The following PCCB variants were observed in gnomAD, a reference collection of about 807,000 sequenced individuals.
The protein encoded by PCCB is propionyl-CoA carboxylase beta chain, mitochondrial.
Under a neutral mutation model 60.7 loss-of-function variants are expected in PCCB, and 43 were observed. The observed-to-expected ratio is 0.71, with a 90% CI of 0.55 to 0.91. The LOEUF is 0.91. Ranked by LOEUF, PCCB falls within the 40% of genes least tolerant of loss-of-function variation. The probability of loss-of-function intolerance (pLI) is 0.00; values close to 1 mark genes in which losing one functional copy is unlikely to be tolerated. For synonymous variants in PCCB, 276 were observed against 255.9 expected, an observed-to-expected ratio of 1.08 and a Z score of -0.75; for missense variants, 766 against 702.8, an observed-to-expected ratio of 1.09 and a Z score of -1.02.
Position 136,282,945 on chromosome 3 carries a change from G to A in PCCB, c.544-892G>A, listed in dbSNP as rs116694183. 7.1e-3 allele frequency among the ~76,000 whole-genome samples: 1,081 copies of A among 152,234 alleles called. 16 individuals are homozygous for A. Among genetic ancestry groups the A allele is most frequent in the African/African-American group, 0.025 (1,027 of 41,528 alleles). On this transcript the variant is annotated intron_variant, in intron 5 of 14. Transcript: ENST00000251654. ...TCATTTTTAGAACCCCAAAATACTC[G>A]TTTTTGACAATGCTGTCCAGTTGTT...
chr3:136,285,690 C>CT (rs1176129700), intron 6 of PCCB, among the ~76,000 whole-genome samples: 1 of 152,116 alleles, frequency 6.6e-6, no homozygotes, highest in African/African-American at 2.4e-5. Flanking sequence ...CTGACCATAC[C>CT]TTCCTGGTTT....
rs562688020 is a variant in PCCB, at chr3:136,305,974, G to A, written c.966+4863G>A. On this transcript the variant is annotated intron_variant, in intron 9 of 14. Coordinates refer to ENST00000251654, the MANE Select transcript of PCCB (RefSeq NM_000532.5). ...ATGTACCTGCAAGACATACAAAATC[G>A]AATACACTGAAGGACACTACATCTT... is the stretch of plus-strand genomic sequence containing the variant. Among the ~76,000 whole-genome samples, 104 of 121,000 alleles carry A rather than the reference G, an allele frequency of 8.6e-4. 5 individuals carry two copies. Among genetic ancestry groups the A allele is most frequent in the African/African-American group, 2.6e-3 (103 of 39,940 alleles). The allele number at this position is 121,000 out of a possible 152,430, so 79.4% of individuals were successfully genotyped here.
chr3:136,313,897 G>A (rs1365510611), intron 9 of PCCB, among the ~76,000 whole-genome samples: 2 of 152,120 alleles, frequency 1.3e-5, no homozygotes, highest in African/African-American at 4.8e-5. Flanking sequence ...TTCTGCTATC[G>A]GAGAAGGGAG....
chr3:136,274,777 T>A (rs1942297290), intron 5 of PCCB, among the ~76,000 whole-genome samples: 1 of 152,114 alleles, frequency 6.6e-6, no homozygotes, highest in Admixed American at 6.5e-5. Flanking sequence ...GGTTTGGTTG[T>A]TTTACATAAT....
At chr3:136,322,556 G>T (rs1410004532) in intron 10 of PCCB, among the ~76,000 whole-genome samples, 1 of 152,176 alleles carries the variant, frequency 6.6e-6, no homozygotes, top group Non-Finnish European at 1.5e-5. Context: ...TAAATGTATG[G>T]TAGAATTCAC....
Position 136,298,033 on chromosome 3 carries a change from G to T in PCCB, c.845G>T (p.Ser282Ile). ...RDFFNYLPLS[S>I]QDPAPVRECH... ...TTCTTCAACTACCTGCCCCTGAGCAGTCAGGACCCGGCTCCCGTCCGTGAG... is the reference window on the plus strand; with the variant it reads ...TTCTTCAACTACCTGCCCCTGAGCATTCAGGACCCGGCTCCCGTCCGTGAG... Residue 282 changes from serine (S) to isoleucine (I), a missense_variant, in exon 8 of 15, where the codon AGT (serine) becomes ATT (isoleucine). Transcript: ENST00000251654. 1 of 1,614,180 alleles carries T rather than the reference G, an allele frequency of 6.2e-7. No homozygotes were observed. The highest frequency in any genetic ancestry group is 8.5e-7 in the Non-Finnish European group (1 of 1,180,018).
At chr3:136,263,993 C>G (rs1941899112) in intron 5 of PCCB, among the ~76,000 whole-genome samples, 1 of 146,210 alleles carries the variant, frequency 6.8e-6, no homozygotes, top group Non-Finnish European at 1.5e-5. Flanking sequence ...ACCTGGGTGA[C>G]AGAGCAAGAC....
intron 10 of PCCB, among the ~76,000 whole-genome samples, chr3:136,319,267 TGTTGAGTTGGA>T (rs1935025144): frequency 6.6e-6 from 1 of 152,204 alleles, no homozygotes; most frequent in African/African-American, 2.4e-5. Context: ...TGTTTTTTGT[TGTTGAGTTGGA>T]GTTCCTTGTA....
chr3:136,273,477 A>C (rs1576318044), intron 5 of PCCB, among the ~76,000 whole-genome samples: 1 of 151,378 alleles, frequency 6.6e-6, no homozygotes, highest in East Asian at 1.9e-4. Flanking sequence ...TAATTGTTTT[A>C]TAAATCTGGG....
At chr3:136,296,788 G>A (rs1181822460) in intron 7 of PCCB, among the ~76,000 whole-genome samples, 2 of 152,016 alleles carry the variant, frequency 1.3e-5, no homozygotes, top group Non-Finnish European at 2.9e-5. Flanking sequence ...AAGGCAAATA[G>A]CAAAGGAATT....
chr3:136,306,661 C>A (rs1173877563), intron 9 of PCCB, among the ~76,000 whole-genome samples: 2 of 121,354 alleles, frequency 1.6e-5, no homozygotes, highest in African/African-American at 5.0e-5. Flanking sequence ...GTACAGATAC[C>A]TTTAATACAA....
rs183872648 is a variant in PCCB at position 136,268,107 on chromosome 3, T to G, written c.543+6042T>G. Among the ~76,000 whole-genome samples, 599 of 121,524 alleles carry G rather than the reference T, an allele frequency of 4.9e-3. 16 individuals are homozygous for G. Among genetic ancestry groups the G allele is most frequent in the African/African-American group, 0.018 (575 of 31,620 alleles). The allele number at this position is 121,524 out of a possible 152,430, so 79.7% of individuals were successfully genotyped here. On this transcript the variant is annotated intron_variant, in intron 5 of 14. Transcript: ENST00000251654. ...GTGTAGATATATATATATATATATA[T>G]ATATATATATATATGTATATATATA... is the stretch of plus-strand genomic sequence containing the variant.
At chr3:136,301,512 C>T (rs1934280627) in intron 9 of PCCB, among the ~76,000 whole-genome samples, 1 of 151,912 alleles carries the variant, frequency 6.6e-6, no homozygotes, top group Admixed American at 6.6e-5. Flanking sequence ...CACAGGGCAT[C>T]CTAGAAGGTT....
intron 9 of PCCB, among the ~76,000 whole-genome samples, chr3:136,309,446 C>G (rs899141822): frequency 2.0e-5 from 3 of 151,930 alleles, no homozygotes; most frequent in Non-Finnish European, 4.4e-5. Context: ...AAAAAAGAGA[C>G]AGTAAAAGCA....
At chr3:136,263,974 T>C (rs1437756303) in intron 5 of PCCB, among the ~76,000 whole-genome samples, 1 of 151,138 alleles carries the variant, frequency 6.6e-6, no homozygotes, top group Non-Finnish European at 1.5e-5. Flanking sequence ...ATTGTGCCAT[T>C]GCACTCCAAC....
rs781583278 is a variant in PCCB, at chr3:136,310,961, A to G, written c.967-5980A>G. On this transcript the variant is annotated intron_variant, in intron 9 of 14. Coordinates refer to ENST00000251654, the MANE Select transcript of PCCB (RefSeq NM_000532.5). The stretch of plus-strand genomic sequence containing the variant: ...AATAAAATTTGGTATAGACCTTTTC[A>G]AAAGCCTGCATCTCACCTAATAAAG... 2.7e-4 allele frequency among the ~76,000 whole-genome samples: 41 copies of G among 152,196 alleles called. 1 individual carries two copies. The highest frequency in any genetic ancestry group is 4.9e-4 in the Non-Finnish European group (33 of 68,032).
Position 136,327,627 on chromosome 3 carries a change from G to GT in PCCB, c.1300-3dup. 6.2e-7 allele frequency: 1 copy of GT among 1,606,182 alleles called. No individual in the cohort carries two copies. The highest frequency in any genetic ancestry group is 8.5e-7 in the Non-Finnish European group (1 of 1,172,780). ...GCTCTAACACTCAGCATTTGGATCTGTTTTAGGCCTATGGAGGTGCCTATG... is the reference window on the plus strand; with the variant it reads ...GCTCTAACACTCAGCATTTGGATCTGTTTTTAGGCCTATGGAGGTGCCTATG... On this transcript the variant is annotated splice_polypyrimidine_tract_variant and splice_region_variant and intron_variant, in intron 12 of 14. Transcript: ENST00000251654.
In PCCB at chr3:136,296,548, T is replaced by A. The variant is rs139174784; in HGVS notation, c.764-1404T>A. On this transcript the variant is annotated intron_variant, in intron 7 of 14. Coordinates refer to ENST00000251654, the MANE Select transcript of PCCB (RefSeq NM_000532.5). ...CTGGGTCATTTCCACTTTTCGGCTA[T>A]CATAAATATGCCTGTATTAATATTT... Among the ~76,000 whole-genome samples the A allele has an allele frequency of 4.7e-4, 72 of 152,348 alleles. No homozygotes were observed. The East Asian group carries it at 0.014, about 29-fold the overall frequency.
rs1243373827 is a variant in PCCB, at chr3:136,330,013, A to C, written c.1607A>C (p.Asn536Thr). ...KVQRPWRKHA[N>T]IPL is the part of the protein sequence containing the mutation. ...CAACGTCCTTGGAGAAAACATGCAA[A>C]TATTCCATTGTAAACAAATCAAAGG... Residue 536 changes from asparagine to threonine, a missense_variant, in exon 15 of 15, where the codon AAT (asparagine) becomes ACT (threonine). Coordinates refer to ENST00000251654, the MANE Select transcript of PCCB (RefSeq NM_000532.5). 6.2e-7 allele frequency: 1 copy of C among 1,614,054 alleles called. No homozygotes were observed. The highest frequency in any genetic ancestry group is 8.5e-7 in the Non-Finnish European group (1 of 1,180,004).
Sources: gnomAD v4.1 joint callset for allele counts (sites outside exome capture counted in the v4.1 genomes callset) on GRCh38, gnomAD v4.1.1 for gene constraint, MANE v1.5 for transcripts, NCBI Gene and HGNC (gene_info 2026-07-23, HGNC 2026-07-21) for gene names.